The following CDON variants were observed in gnomAD, a reference collection of about 807,000 sequenced individuals.
CDON encodes the protein cell adhesion molecule-related/down-regulated by oncogenes.
A neutral mutation model predicts 120.9 loss-of-function variants in CDON; 73 were observed. The observed-to-expected ratio is 0.60, with a 90% confidence interval of 0.50 to 0.73. The LOEUF is 0.73. Among genes scored for constraint, CDON ranks in the 30% least tolerant of loss-of-function variants. The pLI is 0.00. For missense variants in CDON, 1,470 were observed against 1,587.3 expected, an observed-to-expected ratio of 0.93 and a Z score of 1.26; for synonymous variants, 566 against 573.5, an observed-to-expected ratio of 0.99 and a Z score of 0.19.
chr11:125,974,595 G>A (rs1476286756), intron 18 of CDON, among the ~76,000 whole-genome samples: 1 of 151,814 alleles, frequency 6.6e-6, no homozygotes, highest in Non-Finnish European at 1.5e-5. Context: ...GCAAATAAAT[G>A]CATCAAATAA....
chr11:125,982,798 C>T (rs909122912), intron 16 of CDON, among the ~76,000 whole-genome samples: 1 of 152,152 alleles, frequency 6.6e-6, no homozygotes, highest in African/African-American at 2.4e-5. Flanking sequence ...CGCACTCACA[C>T]AATTAAAGGC....
intron 1 of CDON, among the ~76,000 whole-genome samples, chr11:126,039,587 T>G (rs1426949243): frequency 3.3e-5 from 5 of 152,236 alleles, no homozygotes; most frequent in African/African-American, 1.2e-4. Flanking sequence ...TTTCACTGTC[T>G]TAAATCAGTA....
intron 8 of CDON, among the ~76,000 whole-genome samples, chr11:126,009,744 A>C (rs1315094198): frequency 6.6e-6 from 1 of 152,212 alleles, no homozygotes; most frequent in Non-Finnish European, 1.5e-5. Context: ...TACTGATGGA[A>C]GGTCTGAATT....
chr11:125,993,127 G>A (rs1946676840), intron 14 of CDON, among the ~76,000 whole-genome samples: 1 of 152,094 alleles, frequency 6.6e-6, no homozygotes. Flanking sequence ...ATAACAGTCC[G>A]TAAATACCTG....
At chr11:126,036,516 T>G (rs572855131) in intron 1 of CDON, among the ~76,000 whole-genome samples, 1 of 150,994 alleles carries the variant, frequency 6.6e-6, no homozygotes, top group East Asian at 1.9e-4. Flanking sequence ...TATTATACTA[T>G]ACTCATATTT....
At chr11:125,969,188 G>C (rs1431818834) in intron 18 of CDON, among the ~76,000 whole-genome samples, 4 of 152,008 alleles carry the variant, frequency 2.6e-5, no homozygotes, top group African/African-American at 9.6e-5. Flanking sequence ...AGTAGAGACA[G>C]GGTTTCTCCA....
intron 18 of CDON, among the ~76,000 whole-genome samples, chr11:125,971,178 C>T (rs182220401): frequency 1.4e-3 from 216 of 151,996 alleles, no homozygotes; most frequent in East Asian, 3.7e-3. Context: ...GGTCAGGAGA[C>T]CAAGACCATC....
rs756812421 is a variant in CDON, at chr11:125,981,082, G to T, written c.3243C>A (p.His1081Gln). ...GATGATGAGGATGTTCAAAATCCAC[G>T]TGTGTCCTGGTTAGAGAGTTGCTGT... Reference protein sequence around the residue: ...SGHSNSLTRTHVDFEHPHHLV... With the variant: ...SGHSNSLTRTQVDFEHPHHLV... The change falls in exon 17 of 20, where the codon CAC becomes CAA. Residue 1081 changes from histidine to glutamine, a missense_variant. Coordinates refer to ENST00000531738, the MANE Select transcript of CDON (RefSeq NM_001378964.1). 8.7e-6 allele frequency: 14 copies of T among 1,614,132 alleles called. No individual in the cohort carries two copies. Among genetic ancestry groups the T allele is most frequent in the Admixed American group, 1.7e-5 (1 of 60,022 alleles).
chr11:125,978,574 T>C (rs1223952903), intron 17 of CDON, among the ~76,000 whole-genome samples, 191 bp from the exon 18 acceptor site: 1 of 152,206 alleles, frequency 6.6e-6, no homozygotes, highest in East Asian at 1.9e-4. Context: ...AAGGAGTGAA[T>C]GAGAGTTCTG....
Position 126,021,389 on chromosome 11 carries a change from C to CATCCA in CDON, c.203_207dup (p.Gly70TrpfsTer15). 1 of 1,614,080 alleles carries CATCCA rather than the reference C, an allele frequency of 6.2e-7. No homozygotes were observed. The highest frequency in any genetic ancestry group is 1.3e-5 in the African/African-American group (1 of 75,038). On this transcript the variant is annotated frameshift_variant, in exon 3 of 20. Coordinates refer to ENST00000531738, the MANE Select transcript of CDON (RefSeq NM_001378964.1). LOFTEE classifies it high-confidence loss of function. ...TGAATCTTAACATGTTCCAGGTTTC[C>CATCCA]ATCCAATGTTTTTCCGTTATGCAGC...
chr11:125,994,885 T>A lies in CDON; in HGVS notation c.2530A>T (p.Met844Leu). 1 of 1,614,044 alleles carries A rather than the reference T, an allele frequency of 6.2e-7. No individual in the cohort carries two copies. The highest frequency in any genetic ancestry group is 8.5e-7 in the Non-Finnish European group (1 of 1,179,912). The change falls in exon 13 of 20, where the codon ATG (methionine) becomes TTG (leucine). Residue 844 changes from methionine (M) to leucine (L), a missense_variant. Coordinates refer to ENST00000531738, the MANE Select transcript of CDON (RefSeq NM_001378964.1). ...YTEAVSDTQI[M>L]LKWTYIPSSN... ...TGTGTACTGACCGTCCACTTTAGCATGATCTGAGTATCGCTGACAGCCTCT... is the reference window on the plus strand; with the variant it reads ...TGTGTACTGACCGTCCACTTTAGCAAGATCTGAGTATCGCTGACAGCCTCT...
chr11:126,047,989 G>C, intron 1 of CDON, among the ~76,000 whole-genome samples: 1 of 152,106 alleles, frequency 6.6e-6, no homozygotes, highest in Non-Finnish European at 1.5e-5. Flanking sequence ...ATCAAGAAAT[G>C]GTCTTCAGCC....
chr11:126,036,532 T>C (rs969020388), intron 1 of CDON, among the ~76,000 whole-genome samples: 2 of 142,616 alleles, frequency 1.4e-5, no homozygotes, highest in African/African-American at 5.1e-5. Flanking sequence ...TATTTCATAG[T>C]CAAACAATAA....
At chr11:126,059,066 C>A (rs1218696209) in intron 1 of CDON, among the ~76,000 whole-genome samples, 1 of 152,036 alleles carries the variant, frequency 6.6e-6, no homozygotes. Context: ...CTAAAATATG[C>A]CTATTAAAAC....
intron 15 of CDON, among the ~76,000 whole-genome samples, chr11:125,985,915 T>G (rs1302493160): frequency 6.6e-6 from 1 of 152,174 alleles, no homozygotes; most frequent in Non-Finnish European, 1.5e-5. Flanking sequence ...TGGCGATTAC[T>G]CAAGGATCTA....
chr11:126,042,037 A>T (rs181365298), intron 1 of CDON, among the ~76,000 whole-genome samples: 4 of 152,268 alleles, frequency 2.6e-5, no homozygotes, highest in Middle Eastern at 3.4e-3. Context: ...GGCATGAGCC[A>T]CCACGCCCAG....
At position 125,960,924 on chromosome 11, in the gene CDON, C is replaced by T; in HGVS notation, c.*18G>A. The T allele has an allele frequency of 1.9e-6, 3 of 1,613,486 alleles. No individual in the cohort carries two copies. Among genetic ancestry groups the T allele is most frequent in the Non-Finnish European group, 2.5e-6 (3 of 1,179,794 alleles). On this transcript the variant is annotated 3_prime_UTR_variant, in exon 20 of 20. Coordinates refer to ENST00000531738, the MANE Select transcript of CDON (RefSeq NM_001378964.1). ...TTACCGGCTTGAAGTTGGAACATGA[C>T]TGGTTGTTTGCATGTCCTCAGGTTT...
rs932450647 is a variant in CDON, at chr11:126,042,095, G to T, written c.-61-18558C>A. Among the ~76,000 whole-genome samples the T allele has an allele frequency of 5.3e-5, 8 of 152,266 alleles. No individual in the cohort carries two copies. In the South Asian group the frequency reaches 1.7e-3, roughly 32 times the overall value. On this transcript the variant is annotated intron_variant, in intron 1 of 19. Transcript: ENST00000531738. ...AACGGTGTTTCTCCATGTTGGTCAG[G>T]CTTGTCTCGAACTCCCGACCTTAGG...
At position 126,000,855 on chromosome 11, in the gene CDON, A is replaced by G. The variant is rs189654543; in HGVS notation, c.2158+864T>C. On this transcript the variant is annotated intron_variant, in intron 11 of 19. Coordinates refer to ENST00000531738, the MANE Select transcript of CDON (RefSeq NM_001378964.1). ...GTCTGAAAATTCTCAGAGCTTAGCA[A>G]TGAAATTTTAAGTCTTCCCTAGATG... 2.0e-4 allele frequency among the ~76,000 whole-genome samples: 30 copies of G among 152,290 alleles called. 1 individual carries two copies. The highest frequency in any genetic ancestry group is 1.9e-3 in the Admixed American group (29 of 15,304).
Sources: gnomAD v4.1 joint callset for allele counts (sites outside exome capture counted in the v4.1 genomes callset) on GRCh38, gnomAD v4.1.1 for gene constraint, MANE v1.5 for transcripts, NCBI Gene and HGNC (gene_info 2026-07-23, HGNC 2026-07-21) for gene names.